NPAS3: variants seen among roughly 807,000 people sequenced by gnomAD.
NPAS3 encodes the protein neuronal PAS domain protein 3.
Under a neutral mutation model 73.1 loss-of-function variants are expected in NPAS3, and 14 were observed. That is an observed-to-expected ratio of 0.19 (90% CI 0.13 to 0.30). The LOEUF (loss-of-function observed/expected upper bound fraction) is 0.30, where lower values mean the gene tolerates loss of function less well. NPAS3 is among the 10% of genes least tolerant of loss of function. The pLI is 1.00. For synonymous variants in NPAS3, 620 were observed against 541.5 expected (o/e 1.14, Z -2.01); for missense variants, 1,096 against 1,250.0 (o/e 0.88, Z 1.86).
At chr14:33,401,630 A>T (rs1026659389) in intron 4 of NPAS3, among the ~76,000 whole-genome samples, 1 of 152,108 alleles carries the variant, frequency 6.6e-6, no homozygotes, top group African/African-American at 2.4e-5. Context: ...GTGATTTTTA[A>T]AGGTTAATTG....
chr14:33,785,394 C>T (rs555796444), intron 9 of NPAS3, among the ~76,000 whole-genome samples: 18 of 144,916 alleles, frequency 1.2e-4, no homozygotes, highest in African/African-American at 4.7e-4. Context: ...AAGATCATGC[C>T]ACTGCACTCC....
chr14:33,034,275 C>T (rs1032742768), intron 1 of NPAS3, among the ~76,000 whole-genome samples: 2 of 151,598 alleles, frequency 1.3e-5, no homozygotes, highest in Admixed American at 1.3e-4. Flanking sequence ...TTTATAAAAA[C>T]ATTTTGTCTT....
At chr14:32,958,719 A>G (rs921479947) in intron 1 of NPAS3, among the ~76,000 whole-genome samples, 3 of 152,196 alleles carry the variant, frequency 2.0e-5, no homozygotes, top group Admixed American at 2.0e-4. Flanking sequence ...CTCAAACTCA[A>G]TGGAACCCAA....
At chr14:33,649,771 A>G (rs1274790824) in intron 5 of NPAS3, among the ~76,000 whole-genome samples, 1 of 152,180 alleles carries the variant, frequency 6.6e-6, no homozygotes, top group Non-Finnish European at 1.5e-5. Flanking sequence ...ACTCTAAGAA[A>G]CAGACTGCAT....
chr14:33,396,251 C>T (rs1399066266), intron 4 of NPAS3, among the ~76,000 whole-genome samples: 1 of 152,154 alleles, frequency 6.6e-6, no homozygotes, highest in Non-Finnish European at 1.5e-5. Context: ...GAATCAAGTA[C>T]AAGATGATTC....
intron 2 of NPAS3, among the ~76,000 whole-genome samples, chr14:33,112,640 T>G (rs973855549): frequency 5.3e-5 from 8 of 152,214 alleles, no homozygotes; most frequent in African/African-American, 1.9e-4. Context: ...GATGGTAGTT[T>G]CTTTTGCTGT....
chr14:33,101,137 C>A (rs1033931821), intron 2 of NPAS3, among the ~76,000 whole-genome samples: 2 of 152,124 alleles, frequency 1.3e-5, no homozygotes, highest in East Asian at 3.9e-4. Flanking sequence ...GCCCTGCCCC[C>A]CACACACACC....
In NPAS3 at chr14:33,050,997, G is replaced by A. The variant is rs1326918199; in HGVS notation, c.51-4908G>A. Among the ~76,000 whole-genome samples the A allele has an allele frequency of 1.3e-5, 2 of 152,228 alleles. 1 individual carries two copies. Among genetic ancestry groups the A allele is most frequent in the South Asian group, 4.1e-4 (2 of 4,822 alleles). ...AGGTTAAAAGAGACTAAAGAAGGCC[G>A]GGCGCGGTGGCTCACGCCTGTAATC... On this transcript the variant is annotated intron_variant, in intron 1 of 11. Coordinates refer to ENST00000356141, the Ensembl canonical transcript of NPAS3.
At chr14:33,608,763 T>C (rs1047609081) in intron 5 of NPAS3, 1 of 152,200 alleles carries the variant, frequency 6.6e-6, no homozygotes, top group East Asian at 1.9e-4. Context: ...TAGTATCCGT[T>C]AGCTTTAGTG....
intron 1 of NPAS3, among the ~76,000 whole-genome samples, chr14:32,957,789 G>A (rs1381974785): frequency 6.6e-6 from 1 of 152,156 alleles, no homozygotes; most frequent in East Asian, 1.9e-4. Context: ...CCTTTGGACT[G>A]ACTTCTGTCT....
At chr14:33,760,914 G>A (rs906378170) in intron 7 of NPAS3, among the ~76,000 whole-genome samples, 1 of 152,200 alleles carries the variant, frequency 6.6e-6, no homozygotes, top group African/African-American at 2.4e-5. Flanking sequence ...TAGATTTGGA[G>A]AATCCATTGC....
chr14:33,386,026 G>A (rs1019465626), intron 4 of NPAS3, among the ~76,000 whole-genome samples: 9 of 151,894 alleles, frequency 5.9e-5, no homozygotes, highest in African/African-American at 4.8e-5. Context: ...GAATGTATAC[G>A]TACAGATAAG....
At chr14:33,721,494 AT>A (rs1265889056) in intron 6 of NPAS3, among the ~76,000 whole-genome samples, 2 of 152,228 alleles carry the variant, frequency 1.3e-5, no homozygotes, top group East Asian at 1.9e-4. Flanking sequence ...CCCCAAAAAA[AT>A]CACATAAAAC....
intron 1 of NPAS3, among the ~76,000 whole-genome samples, chr14:32,966,847 C>G (rs953207547): frequency 2.0e-5 from 3 of 151,194 alleles, no homozygotes; most frequent in Non-Finnish European, 2.9e-5. Context: ...GGAAACACTT[C>G]ATGACATTGG....
intron 7 of NPAS3, among the ~76,000 whole-genome samples, chr14:33,743,017 C>A (rs145358423): frequency 0.02 from 3,030 of 152,242 alleles, 40 homozygotes; most frequent in Middle Eastern, 0.044. Flanking sequence ...ATATGCAGTT[C>A]TTCCCTCCAC....
intron 2 of NPAS3, among the ~76,000 whole-genome samples, chr14:33,143,937 A>C (rs780277146): frequency 6.6e-6 from 1 of 152,166 alleles, no homozygotes; most frequent in African/African-American, 2.4e-5. Context: ...CATTGTGTGG[A>C]TATAATATAA....
At chr14:33,017,033 G>C (rs546758347) in intron 1 of NPAS3, among the ~76,000 whole-genome samples, 1 of 152,288 alleles carries the variant, frequency 6.6e-6, no homozygotes, top group Admixed American at 6.5e-5. Context: ...AAAACCTCAA[G>C]TAAGTGTAGA....
At chr14:33,042,476 GAACT>G (rs758537510) in intron 1 of NPAS3, among the ~76,000 whole-genome samples, 11 of 152,140 alleles carry the variant, frequency 7.2e-5, no homozygotes, top group Non-Finnish European at 1.5e-4. Context: ...TATTAAGATA[GAACT>G]ATCTATTCAA....
chr14:33,197,358 G>A (rs1258095287), intron 2 of NPAS3, among the ~76,000 whole-genome samples: 2 of 151,640 alleles, frequency 1.3e-5, no homozygotes, highest in Non-Finnish European at 2.9e-5. Context: ...TGTGTCTCTT[G>A]CTCCCACCTG....
Sources: allele counts gnomAD v4.1 joint callset (sites outside exome capture counted in the v4.1 genomes callset), GRCh38; gene constraint gnomAD v4.1.1; transcripts MANE v1.5; gene names NCBI Gene and HGNC (gene_info 2026-07-23, HGNC 2026-07-21).